Variants in ZBTB38 observed in about 807,000 individuals in gnomAD.
ZBTB38 encodes zinc finger and BTB domain containing 38.
In ZBTB38, 20 loss-of-function variants were observed where a neutral mutation model predicts 76.8. The observed-to-expected ratio is 0.26, with a 90% confidence interval of 0.18 to 0.38. The LOEUF is 0.38. ZBTB38 is among the 10% of genes least tolerant of loss of function. ZBTB38 has a pLI of 1.00. For missense variants in ZBTB38, 1,082 were observed against 1,482.3 expected, an observed-to-expected ratio of 0.73 and a Z score of 4.43; for synonymous variants, 504 against 544.2, an observed-to-expected ratio of 0.93 and a Z score of 1.03.
intron 5 of ZBTB38, among the ~76,000 whole-genome samples, chr3:141,410,225 G>A (rs901936392): frequency 6.6e-6 from 1 of 152,078 alleles, no homozygotes; most frequent in African/African-American, 2.4e-5. Context: ...CCAGACTTTG[G>A]GTTCTGCCTT....
At position 141,442,116 on chromosome 3, in the gene ZBTB38, T is replaced by C. The variant is rs927874111; in HGVS notation, c.1-273T>C. Among the ~76,000 whole-genome samples, 4 of 150,360 alleles carry C rather than the reference T, an allele frequency of 2.7e-5. No individual in the cohort carries two copies. The highest frequency in any genetic ancestry group is 7.3e-5 in the African/African-American group (3 of 40,852). On this transcript the variant is annotated intron_variant, in intron 5 of 5. Transcript: ENST00000321464. The surrounding 1 kb of genome is among the most constrained non-coding windows in gnomAD (Gnocchi z 6.4). Reference sequence around the variant, plus strand: ...TCCTCCCCTCCCAAATTTGGACATGTATATATAGCTCCAACTTTGGAGAAA... The same window carrying C: ...TCCTCCCCTCCCAAATTTGGACATGCATATATAGCTCCAACTTTGGAGAAA...
chr3:141,432,168 G>T, intron 5 of ZBTB38: 4 of 985,488 alleles, frequency 4.1e-6, no homozygotes, highest in Non-Finnish European at 4.8e-6. Context: ...ACAGACCTGC[G>T]CAGTAGATTT....
At chr3:141,356,603 G>T (rs921923733) in intron 1 of ZBTB38, among the ~76,000 whole-genome samples, 2 of 152,132 alleles carry the variant, frequency 1.3e-5, no homozygotes, top group African/African-American at 4.8e-5. Context: ...ATCAAGGGAA[G>T]CCAGGGATGG....
intron 5 of ZBTB38, among the ~76,000 whole-genome samples, chr3:141,422,253 A>C (rs950452301): frequency 6.6e-6 from 1 of 152,168 alleles, no homozygotes; most frequent in Non-Finnish European, 1.5e-5. Context: ...CCTCCTGGGT[A>C]GGGGGAGCCC....
intron 1 of ZBTB38, among the ~76,000 whole-genome samples, chr3:141,348,938 A>T (rs988136383): frequency 6.6e-6 from 1 of 152,080 alleles, no homozygotes; most frequent in Non-Finnish European, 1.5e-5. Flanking sequence ...AGCCAAACCT[A>T]TATTACAAGA....
chr3:141,442,402 C>T lies in ZBTB38; in HGVS notation c.14C>T (p.Ser5Phe). Residue 5 changes from serine (S) to phenylalanine (F), a missense_variant, in exon 6 of 6, where the codon TCC (serine) becomes TTC (phenylalanine). Physicochemically the swap from Ser to Phe is radical, Grantham distance 155. Around this residue, in one of 8 missense-constraint regions of ZBTB38, gnomAD observed 68 missense variants for 153.0 expected, o/e 0.44. Coordinates refer to ENST00000321464, the MANE Select transcript of ZBTB38 (RefSeq NM_001376113.1). The surrounding 1 kb of genome is among the most constrained non-coding windows in gnomAD (Gnocchi z 6.4). MTVM[S>F]LSRDLKDDFH... ...CTCTTGTTTCAGATGACAGTCATGT[C>T]CCTTTCCAGGGACCTCAAGGACGAC... The T allele has an allele frequency of 6.2e-7, 1 of 1,612,730 alleles. No homozygotes were observed. Among genetic ancestry groups the T allele is most frequent in the Non-Finnish European group, 8.5e-7 (1 of 1,178,986 alleles).
In ZBTB38 at chr3:141,415,595, G is replaced by A. The variant is rs571274326; in HGVS notation, c.-1+11564G>A. Among the ~76,000 whole-genome samples, 5 of 152,332 alleles carry A rather than the reference G, an allele frequency of 3.3e-5. No individual in the cohort carries two copies. The South Asian group carries it at 1.0e-3, about 32-fold the overall frequency. ...TTGACATTTGAGGAGTGCTGCTCTA[G>A]ACACTCTGGCGAAGCACAGAGACAG... On this transcript the variant is annotated intron_variant, in intron 5 of 5. Transcript: ENST00000321464.
At chr3:141,437,515 T>C (rs1386589216) in intron 5 of ZBTB38, among the ~76,000 whole-genome samples, 1 of 152,208 alleles carries the variant, frequency 6.6e-6, no homozygotes, top group Non-Finnish European at 1.5e-5. Context: ...TGAGTTTTAG[T>C]GTCAGCCCTT....
rs373176885 is a variant in ZBTB38 at position 141,331,549 on chromosome 3, GT to G, written c.-739+7103del. 3.6e-4 allele frequency among the ~76,000 whole-genome samples: 54 copies of G among 148,086 alleles called. 1 individual carries two copies. Among genetic ancestry groups the G allele is most frequent in the African/African-American group, 6.7e-4 (27 of 40,552 alleles). ...GTGTTTGGGTTGTTTTTTGTTTTTT[GT>G]TTTTTTTTTATTGCTCACACACAAA... On this transcript the variant is annotated intron_variant, in intron 1 of 7. Coordinates refer to the ZBTB38 transcript ENST00000509842.
intron 5 of ZBTB38, among the ~76,000 whole-genome samples, chr3:141,425,386 G>T (rs1042769132): frequency 6.6e-6 from 1 of 152,206 alleles, no homozygotes; most frequent in Non-Finnish European, 1.5e-5. Flanking sequence ...ATTCATAAGT[G>T]CCATATATTA....
intron 1 of ZBTB38, among the ~76,000 whole-genome samples, chr3:141,345,371 G>A (rs1270416218): frequency 1.3e-5 from 2 of 152,100 alleles, no homozygotes; most frequent in Admixed American, 1.3e-4. Context: ...GGCTGCAAGG[G>A]CCTGGACAGC....
At chr3:141,440,133 G>A (rs2079779324) in intron 5 of ZBTB38, among the ~76,000 whole-genome samples, 1 of 152,174 alleles carries the variant, frequency 6.6e-6, no homozygotes, top group Admixed American at 6.5e-5. Flanking sequence ...GGGTAAACAA[G>A]AGCAGAAGAA....
intron 2 of ZBTB38, among the ~76,000 whole-genome samples, chr3:141,377,163 G>C (rs1380209104): frequency 6.6e-6 from 1 of 152,198 alleles, no homozygotes; most frequent in African/African-American, 2.4e-5. Context: ...AAGAGGCCCA[G>C]CATCCCCAGA....
intron 1 of ZBTB38, among the ~76,000 whole-genome samples, chr3:141,360,758 A>G (rs1943797380): frequency 6.6e-6 from 1 of 152,054 alleles, no homozygotes; most frequent in South Asian, 2.1e-4. Context: ...CCTGTGTATT[A>G]TAGGATGTTT....
At chr3:141,340,112 T>C (rs1454913721) in intron 1 of ZBTB38, among the ~76,000 whole-genome samples, 1 of 152,180 alleles carries the variant, frequency 6.6e-6, no homozygotes, top group Non-Finnish European at 1.5e-5. Context: ...GGACGCAAAC[T>C]TAGAGATGAC....
At chr3:141,388,874 A>C (rs970507266) in intron 4 of ZBTB38, 2 of 152,164 alleles carry the variant, frequency 1.3e-5, no homozygotes. Flanking sequence ...TTTCAAAATT[A>C]AGGTTTTCTT....
chr3:141,415,436 C>T (rs2073772435), intron 5 of ZBTB38, among the ~76,000 whole-genome samples: 1 of 152,086 alleles, frequency 6.6e-6, no homozygotes, highest in Admixed American at 6.5e-5. Flanking sequence ...CATTTGCTAC[C>T]CCCAGTGTGG....
In ZBTB38 at chr3:141,432,558, A is replaced by G. The variant is rs1267797288; in HGVS notation, c.1-9831A>G. Among the ~76,000 whole-genome samples the G allele has an allele frequency of 2.0e-5, 3 of 152,248 alleles. No homozygotes were observed. In the South Asian group the frequency reaches 6.2e-4, roughly 32 times the overall value. On this transcript the variant is annotated intron_variant, in intron 5 of 5. Transcript: ENST00000321464. Reference sequence around the variant, plus strand: ...CCTCTCTGTAATGTCTTAGAGCTTTACTAATAAAAATATACCAGATTTTAC... The same window carrying G: ...CCTCTCTGTAATGTCTTAGAGCTTTGCTAATAAAAATATACCAGATTTTAC...
At chr3:141,436,487 A>T (rs754814227) in intron 5 of ZBTB38, among the ~76,000 whole-genome samples, 3 of 151,952 alleles carry the variant, frequency 2.0e-5, no homozygotes, top group Non-Finnish European at 4.4e-5. Flanking sequence ...CCTATTTTTC[A>T]AAAAAAGCTA....
Sources: allele counts gnomAD v4.1 joint callset (sites outside exome capture counted in the v4.1 genomes callset), GRCh38; gene constraint gnomAD v4.1.1; regional missense constraint gnomAD v4.1.1; non-coding constraint Gnocchi (gnomAD v3.1); transcripts MANE v1.5; gene names NCBI Gene and HGNC (gene_info 2026-07-23, HGNC 2026-07-21).